The following ICE1 variants were observed in gnomAD, a reference collection of about 807,000 sequenced individuals.
The protein encoded by ICE1 is little elongation complex subunit 1.
ICE1 carries 64 observed loss-of-function variants against 192.7 expected under a neutral mutation model. That is an observed-to-expected ratio of 0.33 (90% CI 0.27 to 0.41). The LOEUF (loss-of-function observed/expected upper bound fraction) is 0.41. Ranked by LOEUF, ICE1 falls within the 10% of genes least tolerant of loss-of-function variation. The pLI, the probability that ICE1 is intolerant of heterozygous loss-of-function variation, is 1.00. For synonymous variants in ICE1, 1,010 were observed against 984.5 expected (o/e 1.03, Z -0.49); for missense variants, 2,708 against 2,696.0 (o/e 1.00, Z -0.10).
chr5:5,450,075 A>G (rs1738368127), intron 10 of ICE1, among the ~76,000 whole-genome samples: 1 of 152,214 alleles, frequency 6.6e-6, no homozygotes, highest in African/African-American at 2.4e-5. Context: ...CTAAACTCTC[A>G]TCTAAAACTT....
At chr5:5,484,664 A>C (rs556023145) in intron 17 of ICE1, among the ~76,000 whole-genome samples, 7 of 152,186 alleles carry the variant, frequency 4.6e-5, no homozygotes, top group Non-Finnish European at 8.8e-5. Context: ...TCTGCTGTGT[A>C]TCTCAATATT....
At chr5:5,426,180 G>A (rs1277268475) in intron 1 of ICE1, among the ~76,000 whole-genome samples, 1 of 152,224 alleles carries the variant, frequency 6.6e-6, no homozygotes, top group East Asian at 1.9e-4. Flanking sequence ...GGGAGCGGTG[G>A]CTCATGCCTG....
At chr5:5,469,811 T>C (rs2111392827) in intron 15 of ICE1, among the ~76,000 whole-genome samples, 1 of 152,306 alleles carries the variant, frequency 6.6e-6, no homozygotes. Flanking sequence ...TGTAATGATC[T>C]CTTCATCAAT....
chr5:5,470,460 T>C (rs187684167), intron 15 of ICE1, among the ~76,000 whole-genome samples: 18 of 152,346 alleles, frequency 1.2e-4, no homozygotes, highest in Non-Finnish European at 2.1e-4. Flanking sequence ...TTGCTAAATA[T>C]TGTATCAAAT....
intron 17 of ICE1, among the ~76,000 whole-genome samples, chr5:5,478,747 C>T (rs1739413690): frequency 6.6e-6 from 1 of 152,070 alleles, no homozygotes; most frequent in Admixed American, 6.5e-5. Flanking sequence ...CCAAAACAGA[C>T]ATATAGACCA....
intron 1 of ICE1, among the ~76,000 whole-genome samples, chr5:5,428,872 C>G (rs1004520279): frequency 1.3e-5 from 2 of 152,212 alleles, no homozygotes; most frequent in Non-Finnish European, 2.9e-5. Flanking sequence ...CCTTGCATTC[C>G]TCAGCGAACG....
At chr5:5,475,074 A>G (rs1285948293) in intron 16 of ICE1, among the ~76,000 whole-genome samples, 1 of 152,202 alleles carries the variant, frequency 6.6e-6, no homozygotes, top group African/African-American at 2.4e-5. Flanking sequence ...TGTGGGCCTC[A>G]GCTTTCTGAA....
At position 5,463,053 on chromosome 5, in the gene ICE1, A is replaced by T. The variant is rs1738848458; in HGVS notation, c.3719A>T (p.Glu1240Val). The T allele has an allele frequency of 6.2e-7, 1 of 1,613,730 alleles. No homozygotes were observed. The highest frequency in any genetic ancestry group is 8.5e-7 in the Non-Finnish European group (1 of 1,179,852). ...GTCEEWIESEEDDYSLKNTSQ... is the reference protein window; with the variant it reads ...GTCEEWIESEVDDYSLKNTSQ... ...TGTGAAGAGTGGATTGAATCAGAGGAAGATGATTATTCGTTAAAAAATACA... is the reference window on the plus strand; with the variant it reads ...TGTGAAGAGTGGATTGAATCAGAGGTAGATGATTATTCGTTAAAAAATACA... The change falls in exon 13 of 19, where the codon GAA becomes GTA. Residue 1240 changes from glutamate (E) to valine (V), a missense_variant. Glu to Val is a moderately radical substitution (Grantham distance 121, BLOSUM62 -2). Transcript: ENST00000296564.
At chr5:5,425,879 G>A (rs752416250) in intron 1 of ICE1, among the ~76,000 whole-genome samples, 26 of 152,142 alleles carry the variant, frequency 1.7e-4, no homozygotes, top group Non-Finnish European at 1.3e-4. Context: ...AGAAGAAAAA[G>A]GTTCTGAATA....
chr5:5,425,940 C>T (rs369808002), intron 1 of ICE1, among the ~76,000 whole-genome samples: 366 of 152,186 alleles, frequency 2.4e-3, no homozygotes, highest in Non-Finnish European at 3.8e-3. Flanking sequence ...TGGAAGGTCC[C>T]GAGGTTTAAA....
intron 17 of ICE1, 74 bp downstream of exon 17, chr5:5,476,153 TAATAA>T (rs1453279167): frequency 1.3e-6 from 1 of 756,624 alleles, no homozygotes. Context: ...GTTAACTGTA[TAATAA>T]AATATGCTGA....
intron 17 of ICE1, among the ~76,000 whole-genome samples, chr5:5,484,186 T>C (rs1327793170): frequency 2.0e-5 from 3 of 152,222 alleles, no homozygotes; most frequent in Admixed American, 6.5e-5. Flanking sequence ...CAGGTCATCG[T>C]ATATTGAGTC....
intron 1 of ICE1, among the ~76,000 whole-genome samples, 180 bp downstream of exon 1, chr5:5,423,179 C>T (rs986634872): frequency 6.6e-6 from 1 of 152,138 alleles, no homozygotes; most frequent in Non-Finnish European, 1.5e-5. Context: ...TTGGGGACGG[C>T]TTTCTTTGCT....
Position 5,422,832 on chromosome 5 carries a change from C to T in ICE1, c.-84C>T. The T allele has an allele frequency of 9.5e-7, 1 of 1,053,022 alleles. No individual in the cohort carries two copies. The highest frequency in any genetic ancestry group is 3.4e-5 in the East Asian group (1 of 29,026). The allele number at this position is 1,053,022 out of a possible 1,614,324, so 65.2% of individuals were successfully genotyped here. On this transcript the variant is annotated 5_prime_UTR_variant, in exon 1 of 19. Transcript: ENST00000296564. Reference sequence around the variant, plus strand: ...GGGAAGCGGCCTGGCAGGCGGCGGCCCCGGCGGCATCAGCAGAGACAGGAC... The same window carrying T: ...GGGAAGCGGCCTGGCAGGCGGCGGCTCCGGCGGCATCAGCAGAGACAGGAC...
rs753962535 is a variant in ICE1, at chr5:5,462,887, G to A, written c.3553G>A (p.Gly1185Arg). The A allele has an allele frequency of 2.8e-5, 45 of 1,609,060 alleles. 1 individual carries two copies. The South Asian group carries it at 5.0e-4, about 18-fold the overall frequency. The change falls in exon 13 of 19, where the codon GGG (glycine) becomes AGG (arginine). Residue 1185 changes from glycine (G) to arginine (R), a missense_variant. Physicochemically the swap from Gly to Arg is moderately radical, Grantham distance 125. This residue lies in a region of ICE1 where 2,366 missense variants were observed against 2,276.6 expected (regional missense o/e 1.04). Transcript: ENST00000296564. ...VVMFLESCQL[G>R]DYSSGDSVSE... Reference sequence around the variant, plus strand: ...GATGTTTCTTGAGAGCTGTCAGTTAGGGGATTATAGTTCAGGGGACTCTGT... The same window carrying A: ...GATGTTTCTTGAGAGCTGTCAGTTAAGGGATTATAGTTCAGGGGACTCTGT...
chr5:5,434,428 A>G (rs1347518401), intron 1 of ICE1, among the ~76,000 whole-genome samples: 1 of 152,234 alleles, frequency 6.6e-6, no homozygotes, highest in African/African-American at 2.4e-5. Flanking sequence ...CAGATAAATT[A>G]TTCACTGCTG....
chr5:5,460,511 T>C lies in ICE1; in HGVS notation c.1177T>C (p.Ser393Pro). The stretch of plus-strand genomic sequence containing the variant: ...GCTTAGAAATTCTGCTGAGTGTGTT[T>C]CAGAAGATGATACAACTGAATCACA... ...VQLRNSAECV[S>P]EDDTTESQNY... Residue 393 changes from serine (S) to proline (P), a missense_variant, in exon 13 of 19, where the codon TCA (serine) becomes CCA (proline). Transcript: ENST00000296564. The C allele has an allele frequency of 6.2e-7, 1 of 1,612,134 alleles. No homozygotes were observed. The highest frequency in any genetic ancestry group is 8.5e-7 in the Non-Finnish European group (1 of 1,178,918).
chr5:5,451,232 G>C (rs1261912926), intron 10 of ICE1, among the ~76,000 whole-genome samples: 3 of 151,968 alleles, frequency 2.0e-5, no homozygotes, highest in African/African-American at 4.8e-5. Context: ...TAAACAGTAG[G>C]GCAATATTTA....
At chr5:5,450,475 G>T (rs1342375279) in intron 10 of ICE1, among the ~76,000 whole-genome samples, 1 of 152,170 alleles carries the variant, frequency 6.6e-6, no homozygotes, top group Non-Finnish European at 1.5e-5. Context: ...GGACTTCTCA[G>T]AGGGGAGAAC....
Sources: allele counts gnomAD v4.1 joint callset (sites outside exome capture counted in the v4.1 genomes callset), GRCh38; gene constraint gnomAD v4.1.1; regional missense constraint gnomAD v4.1.1; transcripts MANE v1.5; gene names NCBI Gene and HGNC (gene_info 2026-07-23, HGNC 2026-07-21).